RDH12: variants seen among roughly 807,000 people sequenced by gnomAD.
RDH12 encodes the protein all-trans and 9-cis retinol dehydrogenase.
In RDH12, 21 loss-of-function variants were observed where a neutral mutation model predicts 34.0. That is an observed-to-expected ratio of 0.62 (90% CI 0.44 to 0.89). The LOEUF (loss-of-function observed/expected upper bound fraction) is 0.89, where lower values mean the gene tolerates loss of function less well. Ranked by LOEUF, RDH12 falls within the 40% of genes least tolerant of loss-of-function variation. The probability of loss-of-function intolerance (pLI) is 0.00; values close to 1 mark genes in which losing one functional copy is unlikely to be tolerated. For missense variants in RDH12, 394 were observed against 398.6 expected (o/e 0.99, Z 0.10); for synonymous variants, 198 against 169.9 (o/e 1.17, Z -1.29).
intron 1 of RDH12, among the ~76,000 whole-genome samples, chr14:67,707,113 T>A (rs1465624055): frequency 6.6e-6 from 1 of 152,214 alleles, no homozygotes; most frequent in Non-Finnish European, 1.5e-5. Flanking sequence ...TAGCTTCAGT[T>A]TGCAGAGCTT....
chr14:67,723,374 T>C lies in RDH12; in HGVS notation c.68+664T>C, dbSNP rs1418035577. 3.9e-5 allele frequency among the ~76,000 whole-genome samples: 6 copies of C among 152,274 alleles called. No individual in the cohort carries two copies. The East Asian group carries it at 1.2e-3, about 29-fold the overall frequency. ...TCAGCCTCCCAAGTAGTTGGGAATATAGGCAGGTGCCACTACACCCAGCTA... is the reference window on the plus strand; with the variant it reads ...TCAGCCTCCCAAGTAGTTGGGAATACAGGCAGGTGCCACTACACCCAGCTA... On this transcript the variant is annotated intron_variant, in intron 3 of 8. Coordinates refer to ENST00000551171, the MANE Select transcript of RDH12 (RefSeq NM_152443.3).
At chr14:67,708,711 T>C (rs2037977112) in intron 1 of RDH12, among the ~76,000 whole-genome samples, 1 of 152,160 alleles carries the variant, frequency 6.6e-6, no homozygotes, top group Non-Finnish European at 1.5e-5. Flanking sequence ...CCATTTCATA[T>C]TTGACTATGC....
chr14:67,710,054 T>TA (rs1291007634), intron 1 of RDH12, among the ~76,000 whole-genome samples: 1 of 152,224 alleles, frequency 6.6e-6, no homozygotes, highest in Non-Finnish European at 1.5e-5. Context: ...CCTCCCCACT[T>TA]AGAGTCTTCC....
Position 67,725,103 on chromosome 14 carries a change from C to T in RDH12, c.192C>T (p.Ala64=), listed in dbSNP as rs756983301. 2.5e-6 allele frequency: 4 copies of T among 1,614,134 alleles called. No homozygotes were observed. Among genetic ancestry groups the T allele is most frequent in the African/African-American group, 1.3e-5 (1 of 75,000 alleles). ...CTTTTTTTGTCTTGGACCCAGGAGC[C>T]CGAGTCTATATTGCCTGCAGAGATG... ...ETARELASRG[A]RVYIACRDVL... The change falls in exon 5 of 9, where the codon GCC becomes GCT. Residue 64 remains alanine (A), a synonymous_variant. Transcript: ENST00000551171.
At position 67,733,969 on chromosome 14, in the gene RDH12, T is replaced by C. The variant is rs757748818; in HGVS notation, c.*121T>C. On this transcript the variant is annotated 3_prime_UTR_variant, in exon 9 of 9. Transcript: ENST00000551171. ...AGCTGGTGCTGCGAATCCTGCCTGC[T>C]CTGATCCTCTTGACCCTTCTGGGAA... 1.4e-6 allele frequency: 1 copy of C among 704,806 alleles called. No homozygotes were observed. The highest frequency in any genetic ancestry group is 2.6e-6 in the Non-Finnish European group (1 of 391,986). The allele number at this position is 704,806 out of a possible 1,614,324, so 43.7% of individuals were successfully genotyped here. A position where few individuals can be genotyped will look rare whatever the true frequency, so the allele number is the denominator to read the frequency against.
At position 67,727,166 on chromosome 14, in the gene RDH12, C is replaced by T. The variant is rs146653515; in HGVS notation, c.634C>T (p.Arg212Cys). 32 of 1,613,444 alleles carry T rather than the reference C, an allele frequency of 2.0e-5. No homozygotes were observed. Among genetic ancestry groups the T allele is most frequent in the East Asian group, 1.3e-4 (6 of 44,888 alleles). ...HSKLANVLFTRELAKRLQGTG... is the reference protein window; with the variant it reads ...HSKLANVLFTCELAKRLQGTG... ...CAAGCTGGCCAATGTGCTTTTTACT[C>T]GTGAGCTGGCCAAGAGGCTCCAAGG... Residue 212 changes from arginine (R) to cysteine (C), a missense_variant, in exon 7 of 9, where the codon CGT (arginine) becomes TGT (cysteine). By Grantham distance (180) the Arg-to-Cys change is radical. Coordinates refer to ENST00000551171, the MANE Select transcript of RDH12 (RefSeq NM_152443.3).
At chr14:67,705,278 T>C (rs905691525) in intron 1 of RDH12, among the ~76,000 whole-genome samples, 7 of 152,214 alleles carry the variant, frequency 4.6e-5, no homozygotes, top group Non-Finnish European at 1.0e-4. Flanking sequence ...GATGACAACA[T>C]ACAAGTTAAA....
rs1163040913 is a variant in RDH12, at chr14:67,727,131, A to G, written c.599A>G (p.Tyr200Cys). ...AAGCGCTACAGCAGGGGTTTTGCCT[A>G]TTGCCACAGCAAGCTGGCCAATGTG... ...SEKRYSRGFA[Y>C]CHSKLANVLF... Residue 200 changes from tyrosine (Y) to cysteine (C), a missense_variant, in exon 7 of 9, where the codon TAT (tyrosine) becomes TGT (cysteine). Physicochemically the swap from Tyr to Cys is radical, Grantham distance 194. Transcript: ENST00000551171. 2 of 1,614,062 alleles carry G rather than the reference A, an allele frequency of 1.2e-6. No individual in the cohort carries two copies. The highest frequency in any genetic ancestry group is 1.7e-6 in the Non-Finnish European group (2 of 1,180,040).
chr14:67,717,461 G>C (rs542427904), intron 1 of RDH12, among the ~76,000 whole-genome samples: 95 of 152,358 alleles, frequency 6.2e-4, no homozygotes, highest in Non-Finnish European at 3.7e-4. Flanking sequence ...GCTGTGGACA[G>C]TAAGCAGGTT....
At chr14:67,707,508 A>C (rs890896373) in intron 1 of RDH12, among the ~76,000 whole-genome samples, 1 of 152,178 alleles carries the variant, frequency 6.6e-6, no homozygotes, top group African/African-American at 2.4e-5. Context: ...AGCTCACTGC[A>C]ACCTCCACCT....
chr14:67,714,659 T>C (rs912421859), intron 1 of RDH12: 1 of 158,872 alleles, frequency 6.3e-6, no homozygotes, highest in Admixed American at 6.1e-5. Flanking sequence ...AAAGGTTATG[T>C]TGCAGACATC....
At chr14:67,722,136 G>T (rs1012155130) in intron 2 of RDH12, among the ~76,000 whole-genome samples, 1 of 152,004 alleles carries the variant, frequency 6.6e-6, no homozygotes, top group South Asian at 2.1e-4. Flanking sequence ...CCTCCCTAAG[G>T]TTAACTGCTC....
At position 67,729,307 on chromosome 14, in the gene RDH12, C is replaced by T. The variant is rs2038235703; in HGVS notation, c.775C>T (p.Arg259Trp). The change falls in exon 8 of 9, where the codon CGG (arginine) becomes TGG (tryptophan). Residue 259 changes from arginine (R) to tryptophan (W), a missense_variant. Transcript: ENST00000551171. ...RLFSPFVKTA[R>W]EGAQTSLHCA... is the part of the protein sequence containing the mutation. ...CTTCTCCCCCTTTGTCAAGACGGCA[C>T]GGGAGGGGGCGCAGACCAGCCTGCA... is the stretch of plus-strand genomic sequence containing the variant. 6.2e-7 allele frequency: 1 copy of T among 1,601,304 alleles called. No homozygotes were observed. The highest frequency in any genetic ancestry group is 1.1e-5 in the South Asian group (1 of 90,994).
In RDH12 at chr14:67,725,231, C is replaced by A. The variant is rs775717423; in HGVS notation, c.320C>A (p.Ala107Asp). 8.6e-5 allele frequency: 139 copies of A among 1,613,434 alleles called. 1 individual carries two copies. In the Admixed American group the frequency reaches 2.3e-3, roughly 27 times the overall value. Residue 107 changes from alanine to aspartate, a missense_variant, in exon 5 of 9, where the codon GCC becomes GAC. Ala to Asp is a moderately radical substitution (Grantham distance 126). Coordinates refer to ENST00000551171, the MANE Select transcript of RDH12 (RefSeq NM_152443.3). Reference sequence around the variant, plus strand: ...CTATCCGACACCAAATCTATCCGAGCCTTTGCTGAGGGCTTTCTGGCAGGT... The same window carrying A: ...CTATCCGACACCAAATCTATCCGAGACTTTGCTGAGGGCTTTCTGGCAGGT... ...LDLSDTKSIR[A>D]FAEGFLAEEK...
intron 1 of RDH12, among the ~76,000 whole-genome samples, chr14:67,718,627 G>A (rs2038091971): frequency 1.3e-5 from 2 of 152,226 alleles, no homozygotes; most frequent in Non-Finnish European, 2.9e-5. Context: ...TGAGTGCTCT[G>A]TCATCACTGA....
chr14:67,725,317 T>C (rs2038172851), intron 5 of RDH12, 63 bp downstream of exon 5: 2 of 1,534,944 alleles, frequency 1.3e-6, no homozygotes, highest in Non-Finnish European at 9.0e-7. Flanking sequence ...TGCTCCACCC[T>C]AGACCATCTA....
rs182903582 is a variant in RDH12 at position 67,702,296 on chromosome 14, A to G, written c.-275+361A>G. Among the ~76,000 whole-genome samples, 19 of 152,184 alleles carry G rather than the reference A, an allele frequency of 1.2e-4. 1 individual carries two copies. In the East Asian group the frequency reaches 3.7e-3, roughly 29 times the overall value. ...TGCTCAGTTTTTTAAGTTTTTTTCT[A>G]TTAACCATTTTTATAGCCTGTGAAT... On this transcript the variant is annotated intron_variant, in intron 1 of 8. Transcript: ENST00000551171.
intron 8 of RDH12, among the ~76,000 whole-genome samples, chr14:67,731,471 T>C (rs914070890): frequency 3.3e-5 from 5 of 152,014 alleles, no homozygotes; most frequent in African/African-American, 1.2e-4. Flanking sequence ...CACCTCAGCC[T>C]CCCAAAGTGC....
chr14:67,704,664 C>T (rs765909396), intron 1 of RDH12, among the ~76,000 whole-genome samples: 4 of 152,012 alleles, frequency 2.6e-5, no homozygotes, highest in South Asian at 2.1e-4. Context: ...TGCCCTCATG[C>T]GACTGGAAAA....
Sources: gnomAD v4.1 joint callset for allele counts (sites outside exome capture counted in the v4.1 genomes callset) on GRCh38, gnomAD v4.1.1 for gene constraint, MANE v1.5 for transcripts, NCBI Gene and HGNC (gene_info 2026-07-23, HGNC 2026-07-21) for gene names.